ANLN: variants seen among roughly 807,000 people sequenced by gnomAD.
The protein encoded by ANLN is anillin.
ANLN carries 59 observed loss-of-function variants against 135.1 expected under a neutral mutation model. The observed-to-expected ratio is 0.44, with a 90% confidence interval of 0.35 to 0.54. ANLN has a LOEUF of 0.54. Ranked by LOEUF, ANLN falls within the 20% of genes least tolerant of loss-of-function variation. The pLI is 0.00. For synonymous variants in ANLN, 406 were observed against 456.4 expected (o/e 0.89, Z 1.41); for missense variants, 1,182 against 1,340.0 (o/e 0.88, Z 1.84).
chr7:36,428,279 T>TC, intron 20 of ANLN: 1 of 1,208,448 alleles, frequency 8.3e-7, no homozygotes, highest in Non-Finnish European at 1.1e-6. Context: ...GGTCTTTTTT[T>TC]CTCTGTCTCT....
At chr7:36,451,046 G>A (rs535783310) in intron 23 of ANLN, among the ~76,000 whole-genome samples, 1 of 152,174 alleles carries the variant, frequency 6.6e-6, no homozygotes, top group African/African-American at 2.4e-5. Context: ...CTTCGCCCAA[G>A]CATATGAGAG....
intron 10 of ANLN, among the ~76,000 whole-genome samples, chr7:36,419,842 TA>T (rs1787800314): frequency 6.6e-6 from 1 of 152,208 alleles, no homozygotes; most frequent in African/African-American, 2.4e-5. Flanking sequence ...ATTGTTGTAT[TA>T]GTATATCGGT....
chr7:36,427,117 A>G, intron 20 of ANLN, 89 bp downstream of exon 20: 1 of 773,024 alleles, frequency 1.3e-6, no homozygotes, highest in Non-Finnish European at 2.0e-6. Context: ...GCTTTTAGGT[A>G]TTTGAAATCT....
chr7:36,419,356 G>C lies in ANLN; in HGVS notation c.1746G>C (p.Lys582Asn), dbSNP rs1489932718. The C allele has an allele frequency of 6.2e-7, 1 of 1,614,128 alleles. No homozygotes were observed. The highest frequency in any genetic ancestry group is 8.5e-7 in the Non-Finnish European group (1 of 1,180,002). The change falls in exon 10 of 24, where the codon AAG becomes AAC. Residue 582 changes from lysine (K) to asparagine (N), a missense_variant. Physicochemically the swap from Lys to Asn is moderately conservative, Grantham distance 94. Transcript: ENST00000265748. The part of the protein sequence containing the change: ...VLEEGELDME[K>N]SQEEMDQALA... Reference sequence around the variant, plus strand: ...AGGAAGGTGAACTAGATATGGAGAAGAGCCAAGAGGAGATGGATCAAGCAT... The same window carrying C: ...AGGAAGGTGAACTAGATATGGAGAACAGCCAAGAGGAGATGGATCAAGCAT...
chr7:36,443,954 C>A, intron 22 of ANLN, 92 bp downstream of exon 22: 1 of 830,494 alleles, frequency 1.2e-6, no homozygotes, highest in South Asian at 1.8e-5. Flanking sequence ...CATCACTCAC[C>A]CAAATTAATA....
chr7:36,438,848 TG>T (rs1788652749), intron 20 of ANLN, among the ~76,000 whole-genome samples: 1 of 152,224 alleles, frequency 6.6e-6, no homozygotes, highest in African/African-American at 2.4e-5. Context: ...TCTTTATTGC[TG>T]GGTGGTATTG....
intron 20 of ANLN, among the ~76,000 whole-genome samples, chr7:36,437,274 G>A (rs1178911908): frequency 6.6e-6 from 1 of 152,130 alleles, no homozygotes. Context: ...CATGATAAGT[G>A]GAGTCGTGTA....
intron 1 of ANLN, among the ~76,000 whole-genome samples, chr7:36,394,569 A>G (rs1188222203): frequency 6.6e-6 from 1 of 151,932 alleles, no homozygotes; most frequent in Non-Finnish European, 1.5e-5. Flanking sequence ...TTATTTTTTC[A>G]GTGATTAGAG....
chr7:36,418,619 G>A (rs1406373750), intron 9 of ANLN, among the ~76,000 whole-genome samples: 1 of 152,182 alleles, frequency 6.6e-6, no homozygotes, highest in Non-Finnish European at 1.5e-5. Context: ...AAAGTCATTT[G>A]AGAGAATATT....
intron 7 of ANLN, among the ~76,000 whole-genome samples, chr7:36,414,510 TTC>T (rs1318971503): frequency 1.3e-5 from 2 of 152,150 alleles, no homozygotes; most frequent in Non-Finnish European, 1.5e-5. Flanking sequence ...CTGATGGACT[TTC>T]TTCTGAAAGC....
At chr7:36,441,231 C>T (rs944916799) in intron 21 of ANLN, among the ~76,000 whole-genome samples, 2 of 152,142 alleles carry the variant, frequency 1.3e-5, no homozygotes, top group African/African-American at 2.4e-5. Context: ...TTGCATATAA[C>T]GTCTCACCTA....
intron 9 of ANLN, among the ~76,000 whole-genome samples, chr7:36,417,603 C>T (rs1787697706): frequency 1.3e-5 from 2 of 151,760 alleles, no homozygotes; most frequent in African/African-American, 4.8e-5. Context: ...AGGTTGGGGA[C>T]TCAGTCCCCA....
intron 20 of ANLN, among the ~76,000 whole-genome samples, chr7:36,429,699 G>A (rs1322670883): frequency 2.0e-5 from 3 of 152,042 alleles, no homozygotes; most frequent in Non-Finnish European, 4.4e-5. Context: ...ACTCAGTATT[G>A]TCACATAGCC....
Position 36,426,987 on chromosome 7 carries a change from T to C in ANLN, c.2842T>C (p.Ser948Pro). Reference sequence around the variant, plus strand: ...CGCCCTTGTTGGATCTTACACATTATCATTGTCTTCAGTAGGAAATACTAA... The same window carrying C: ...CGCCCTTGTTGGATCTTACACATTACCATTGTCTTCAGTAGGAAATACTAA... ...NFALVGSYTL[S>P]LSSVGNTKFV... Residue 948 changes from serine to proline, a missense_variant, in exon 20 of 24, where the codon TCA (serine) becomes CCA (proline). By Grantham distance (74) the Ser-to-Pro change is moderately conservative (BLOSUM62 -1). Transcript: ENST00000265748. 6.2e-7 allele frequency: 1 copy of C among 1,613,362 alleles called. No individual in the cohort carries two copies. The highest frequency in any genetic ancestry group is 8.5e-7 in the Non-Finnish European group (1 of 1,179,650).
chr7:36,446,979 T>C (rs1357189917), intron 22 of ANLN, among the ~76,000 whole-genome samples: 2 of 152,166 alleles, frequency 1.3e-5, no homozygotes, highest in Non-Finnish European at 2.9e-5. Context: ...TTCCCCCTTA[T>C]CCTTAGTGGA....
At chr7:36,420,428 T>C (rs1388756561) in intron 11 of ANLN, 114 bp downstream of exon 11, 21 of 1,393,470 alleles carry the variant, frequency 1.5e-5, no homozygotes, top group Non-Finnish European at 2.0e-5. Flanking sequence ...TATAAAAGTT[T>C]GGAATAACTT....
chr7:36,403,797 G>C (rs562649457), intron 3 of ANLN, among the ~76,000 whole-genome samples: 1 of 152,000 alleles, frequency 6.6e-6, no homozygotes, highest in Non-Finnish European at 1.5e-5. Flanking sequence ...GACTATAGGC[G>C]CATCACCAAG....
At chr7:36,423,981 T>G (rs748163432) in intron 15 of ANLN, 38 bp downstream of exon 15, 2 of 1,594,314 alleles carry the variant, frequency 1.3e-6, no homozygotes, top group Non-Finnish European at 1.7e-6. Flanking sequence ...GAATGCATTT[T>G]TCTTTTTGTA....
At chr7:36,410,905 TC>T (rs148159916) in intron 6 of ANLN, among the ~76,000 whole-genome samples, 153 bp from the exon 7 acceptor site, 7,819 of 152,240 alleles carry the variant, frequency 0.051, 535 homozygotes, top group African/African-American at 0.16. Flanking sequence ...AGAAATATTG[TC>T]CTGAATTCCA....
Sources: allele counts gnomAD v4.1 joint callset (sites outside exome capture counted in the v4.1 genomes callset), GRCh38; gene constraint gnomAD v4.1.1; transcripts MANE v1.5; gene names NCBI Gene and HGNC (gene_info 2026-07-23, HGNC 2026-07-21).